ARL13B: variants seen among roughly 807,000 people sequenced by gnomAD.
ARL13B encodes the protein ARF like GTPase 13B, also known as ADP-ribosylation factor-like protein 13B.
In ARL13B, 36 loss-of-function variants were observed where a neutral mutation model predicts 56.1. That is an observed-to-expected ratio of 0.64 (90% CI 0.49 to 0.85). ARL13B has a LOEUF of 0.85. Ranked by LOEUF, ARL13B falls within the 40% of genes least tolerant of loss-of-function variation. ARL13B has a pLI of 0.00. For missense variants in ARL13B, 519 were observed against 507.1 expected, an observed-to-expected ratio of 1.02 and a Z score of -0.23; for synonymous variants, 178 against 171.1, an observed-to-expected ratio of 1.04 and a Z score of -0.32.
At chr3:94,014,749 C>A in intron 3 of ARL13B, 2 of 1,613,096 alleles carry the variant, frequency 1.2e-6, no homozygotes, top group Non-Finnish European at 1.7e-6. Flanking sequence ...CATCTCTTTT[C>A]CAGCAACTTC....
At chr3:94,030,037 G>C (rs974927198) in intron 3 of ARL13B, among the ~76,000 whole-genome samples, 2 of 151,994 alleles carry the variant, frequency 1.3e-5, no homozygotes, top group African/African-American at 4.8e-5. Flanking sequence ...CCAAATTATG[G>C]TCCTTGAAAT....
rs1207713206 is a variant in ARL13B, at chr3:94,053,338, A to G, written c.*75A>G. On this transcript the variant is annotated 3_prime_UTR_variant, in exon 10 of 10. Transcript: ENST00000394222. ...ATTCTTCTTTCTCAGAAGAAGAAAC[A>G]TCTTGTAAATTGATGACTGGGGCAA... The G allele has an allele frequency of 7.6e-7, 1 of 1,322,774 alleles. No homozygotes were observed. Among genetic ancestry groups the G allele is most frequent in the Non-Finnish European group, 1.1e-6 (1 of 921,662 alleles). The allele number at this position is 1,322,774 out of a possible 1,614,324, so 81.9% of individuals were successfully genotyped here. A position where few individuals can be genotyped will look rare whatever the true frequency, so the allele number is the denominator to read the frequency against.
rs1452455758 is a variant in ARL13B, at chr3:94,055,457, G to A, written c.*2194G>A. 2 of 453,438 alleles carry A rather than the reference G, an allele frequency of 4.4e-6. No individual in the cohort carries two copies. The highest frequency in any genetic ancestry group is 8.8e-6 in the Non-Finnish European group (2 of 226,428). The allele number at this position is 453,438 out of a possible 1,614,324, so 28.1% of individuals were successfully genotyped here. On this transcript the variant is annotated 3_prime_UTR_variant, in exon 10 of 10. Transcript: ENST00000394222. ...CTCTCTGCAAGTTTTTATGTATGTGGGAAAGAATTTGTGATTTTAAATGCA... is the reference window on the plus strand; with the variant it reads ...CTCTCTGCAAGTTTTTATGTATGTGAGAAAGAATTTGTGATTTTAAATGCA...
At position 94,054,827 on chromosome 3, in the gene ARL13B, T is replaced by C. The variant is rs1354031238; in HGVS notation, c.*1564T>C. 8.1e-6 allele frequency: 3 copies of C among 371,174 alleles called. No individual in the cohort carries two copies. Among genetic ancestry groups the C allele is most frequent in the Non-Finnish European group, 1.6e-5 (3 of 188,806 alleles). 23.0% of individuals were successfully genotyped at this position (371,174 alleles called of 1,614,324 possible). On this transcript the variant is annotated 3_prime_UTR_variant, in exon 10 of 10. Coordinates refer to ENST00000394222, the MANE Select transcript of ARL13B (RefSeq NM_001174150.2). ...GATCTAAAATTCGTAACAACCTAAA[T>C]TTGAGAGGTGGCTGAAATGTGATGA...
At chr3:94,038,340 C>T (rs551188426) in intron 5 of ARL13B, among the ~76,000 whole-genome samples, 10 of 152,176 alleles carry the variant, frequency 6.6e-5, no homozygotes, top group African/African-American at 2.4e-4. Context: ...AATTGCAAAT[C>T]TCCAAATCTT....
rs1249663328 is a variant in ARL13B, at chr3:94,054,334, ATAAT to A, written c.*1073_*1076del. ...GGCCCAAAATTACTTTTATAAATAA[ATAAT>A]TCCAAAATAATTTCTTAATTTAAAA... is the stretch of plus-strand genomic sequence containing the variant. On this transcript the variant is annotated 3_prime_UTR_variant, in exon 10 of 10. Transcript: ENST00000394222. 2.3e-6 allele frequency: 1 copy of A among 429,276 alleles called. No individual in the cohort carries two copies. Among genetic ancestry groups the A allele is most frequent in the Non-Finnish European group, 4.6e-6 (1 of 217,296 alleles). 26.6% of individuals were successfully genotyped at this position (429,276 alleles called of 1,614,324 possible). A position where few individuals can be genotyped will look rare whatever the true frequency, so the allele number is the denominator to read the frequency against.
In ARL13B at chr3:94,039,896, G is replaced by C. The variant is rs766154005; in HGVS notation, c.706G>C (p.Glu236Gln). 1.9e-6 allele frequency: 3 copies of C among 1,613,950 alleles called. No individual in the cohort carries two copies. Among genetic ancestry groups the C allele is most frequent in the Non-Finnish European group, 2.5e-6 (3 of 1,179,958 alleles). ...AAACGATAGAAAACAAAATGAACAG[G>C]AGCAGGCTGAACTCGATGGAACCAG... ...LREERKQNEQ[E>Q]QAELDGTSGL... The change falls in exon 6 of 10, where the codon GAG (glutamate) becomes CAG (glutamine). Residue 236 changes from glutamate (E) to glutamine (Q), a missense_variant. Coordinates refer to ENST00000394222, the MANE Select transcript of ARL13B (RefSeq NM_001174150.2).
At chr3:94,015,858 C>T (rs1421528727) in intron 3 of ARL13B, among the ~76,000 whole-genome samples, 1 of 152,046 alleles carries the variant, frequency 6.6e-6, no homozygotes, top group Admixed American at 6.6e-5. Context: ...AATGTTTTTT[C>T]TAGCTGTTGC....
At chr3:94,015,475 T>C (rs1356122132) in intron 3 of ARL13B, among the ~76,000 whole-genome samples, 2 of 152,204 alleles carry the variant, frequency 1.3e-5, no homozygotes, top group African/African-American at 4.8e-5. Context: ...ATAAAATAAT[T>C]TGTAAGTTAC....
chr3:94,029,734 A>G (rs1473397508), intron 3 of ARL13B, among the ~76,000 whole-genome samples: 1 of 152,088 alleles, frequency 6.6e-6, no homozygotes, highest in African/African-American at 2.4e-5. Flanking sequence ...CCTACTTTTT[A>G]TAGCACTCTT....
chr3:94,049,630 C>G, intron 8 of ARL13B, 108 bp downstream of exon 8: 1 of 740,934 alleles, frequency 1.3e-6, no homozygotes, highest in Non-Finnish European at 2.1e-6. Context: ...TATTCATTAT[C>G]TTGTATACTT....
At chr3:93,994,729 AT>A (rs2075936260) in intron 1 of ARL13B, among the ~76,000 whole-genome samples, 2 of 151,852 alleles carry the variant, frequency 1.3e-5, no homozygotes, top group African/African-American at 4.8e-5. Flanking sequence ...CTTGTGACCC[AT>A]AGCTAGACTG....
chr3:94,004,012 A>G (rs1163473260), intron 3 of ARL13B, 104 bp downstream of exon 3: 1 of 1,521,490 alleles, frequency 6.6e-7, no homozygotes. Context: ...GTCACGCTTT[A>G]GTATACTAAA....
chr3:94,032,575 C>A (rs1378975479), intron 3 of ARL13B, among the ~76,000 whole-genome samples: 1 of 152,038 alleles, frequency 6.6e-6, no homozygotes, highest in African/African-American at 2.4e-5. Context: ...CGGCTCACTG[C>A]AAGCTCTGCC....
Position 94,035,442 on chromosome 3 carries a change from GTTTTTT to G in ARL13B, c.486+17_486+22del. Reference sequence around the variant, plus strand: ...ACAAGTGCCTGTGTCAGATAGTAAGGTTTTTTTTTTTTTTTTAATTTTAATTTTTTG... The same window carrying G: ...ACAAGTGCCTGTGTCAGATAGTAAGGTTTTTTTTTTAATTTTAATTTTTTG... On this transcript the variant is annotated splice_region_variant and intron_variant, in intron 4 of 9. Coordinates refer to ENST00000394222, the MANE Select transcript of ARL13B (RefSeq NM_001174150.2). 1 of 1,285,270 alleles carries G rather than the reference GTTTTTT, an allele frequency of 7.8e-7. No individual in the cohort carries two copies. Among genetic ancestry groups the G allele is most frequent in the Non-Finnish European group, 1.1e-6 (1 of 936,254 alleles). The allele number at this position is 1,285,270 out of a possible 1,614,324, so 79.6% of individuals were successfully genotyped here.
At chr3:94,018,400 CTTTGAAGAAAAGTATTTCTCCTGTTT>C (rs2076377294) in intron 3 of ARL13B, among the ~76,000 whole-genome samples, 1 of 152,144 alleles carries the variant, frequency 6.6e-6, no homozygotes, top group African/African-American at 2.4e-5. Context: ...TCTTGAGACA[CTTTGAAGAAAAGTATTTCTCCTGTTT>C]TTTTTCTCTT....
At chr3:93,993,567 T>C (rs1401672423) in intron 1 of ARL13B, among the ~76,000 whole-genome samples, 2 of 152,196 alleles carry the variant, frequency 1.3e-5, no homozygotes, top group Non-Finnish European at 2.9e-5. Flanking sequence ...ACTACAGGGA[T>C]GTGCCTCCGT....
intron 5 of ARL13B, among the ~76,000 whole-genome samples, chr3:94,038,989 T>TATTATGGAAG (rs1266489245): frequency 2.6e-5 from 4 of 152,216 alleles, no homozygotes; most frequent in Non-Finnish European, 5.9e-5. Flanking sequence ...GAAGTTATTA[T>TATTATGGAAG]CTAGTTCAAA....
intron 1 of ARL13B, chr3:93,988,856 C>G (rs1710601805): frequency 2.6e-6 from 1 of 382,040 alleles, no homozygotes; most frequent in South Asian, 2.1e-5. Flanking sequence ...TCCACTTTTG[C>G]AGGAGCAGGT....
Sources: allele counts gnomAD v4.1 joint callset (sites outside exome capture counted in the v4.1 genomes callset), GRCh38; gene constraint gnomAD v4.1.1; transcripts MANE v1.5; gene names NCBI Gene and HGNC (gene_info 2026-07-23, HGNC 2026-07-21).